The following ABCB4 variants were observed in gnomAD, a reference collection of about 807,000 sequenced individuals.
The protein encoded by ABCB4 is ATP binding cassette subfamily B member 4, also known as phosphatidylcholine translocator ABCB4.
Under a neutral mutation model 145.7 loss-of-function variants are expected in ABCB4, and 76 were observed. That is an observed-to-expected ratio of 0.52 (90% confidence interval 0.43 to 0.63). ABCB4 has a LOEUF of 0.63. ABCB4 is among the 30% of genes least tolerant of loss of function. The pLI is 0.00. For synonymous variants in ABCB4, 517 were observed against 566.8 expected (o/e 0.91, Z 1.25); for missense variants, 1,234 against 1,553.1 (o/e 0.79, Z 3.45).
At chr7:87,467,759 C>T (rs990016693) in intron 3 of ABCB4, among the ~76,000 whole-genome samples, 1 of 152,204 alleles carries the variant, frequency 6.6e-6, no homozygotes, top group East Asian at 1.9e-4. Context: ...AACCGCTCAA[C>T]TACATGGAAA....
At chr7:87,457,224 G>A (rs1275239697) in intron 4 of ABCB4, among the ~76,000 whole-genome samples, 1 of 152,092 alleles carries the variant, frequency 6.6e-6, no homozygotes, top group Non-Finnish European at 1.5e-5. Flanking sequence ...TTTGAGACCA[G>A]CCTGGGCAAC....
intron 2 of ABCB4, among the ~76,000 whole-genome samples, chr7:87,473,075 C>T (rs1188150202): frequency 6.6e-6 from 1 of 152,196 alleles, no homozygotes; most frequent in South Asian, 2.1e-4. Flanking sequence ...ATTCAAAGTA[C>T]ATCTAGAATT....
chr7:87,403,360 TTA>T, intron 26 of ABCB4, 79 bp from the exon 27 acceptor site: 4 of 1,330,478 alleles, frequency 3.0e-6, no homozygotes, highest in South Asian at 1.2e-5. Flanking sequence ...AGAAAAACAT[TTA>T]GAGTCAATAA....
chr7:87,440,726 A>C (rs1403470524), intron 12 of ABCB4, among the ~76,000 whole-genome samples: 1 of 152,080 alleles, frequency 6.6e-6, no homozygotes, highest in Non-Finnish European at 1.5e-5. Flanking sequence ...TCTACATATA[A>C]TTTTGATAGC....
intron 4 of ABCB4, among the ~76,000 whole-genome samples, chr7:87,461,382 T>C (rs891386265): frequency 6.6e-6 from 1 of 152,244 alleles, no homozygotes; most frequent in Admixed American, 6.5e-5. Context: ...ATCATCTATA[T>C]TGACACTATA....
chr7:87,400,691 C>T (rs893287988), downstream of ABCB4, among the ~76,000 whole-genome samples: 1 of 152,156 alleles, frequency 6.6e-6, no homozygotes, highest in Non-Finnish European at 1.5e-5. Context: ...AAATCCAAAA[C>T]ATTTTGAGTG....
intron 12 of ABCB4, among the ~76,000 whole-genome samples, chr7:87,442,442 A>G (rs1196633386): frequency 6.6e-6 from 1 of 152,120 alleles, no homozygotes; most frequent in African/African-American, 2.4e-5. Flanking sequence ...TTGAATTATA[A>G]TCCATTTTAA....
chr7:87,431,738 C>T (rs962217896), intron 14 of ABCB4, among the ~76,000 whole-genome samples, 173 bp from the exon 15 acceptor site: 1 of 152,176 alleles, frequency 6.6e-6, no homozygotes, highest in East Asian at 1.9e-4. Flanking sequence ...AAATTAAAGT[C>T]AGACGAGTTT....
chr7:87,424,011 TTTCAGGACC>T lies in ABCB4; in HGVS notation c.2097_2105del (p.Val700_Lys702del). ...AGTAGGGCCATTCTGTTTTATTCAG[TTTCAGGACC>T]TTCAGAAAGGACACTGGTGGCACAT... On this transcript the variant is annotated inframe_deletion, in exon 17 of 28. Transcript: ENST00000649586. 1 of 1,614,078 alleles carries T rather than the reference TTTCAGGACC, an allele frequency of 6.2e-7. No individual in the cohort carries two copies. Among genetic ancestry groups the T allele is most frequent in the African/African-American group, 1.3e-5 (1 of 75,034 alleles).
intron 24 of ABCB4, among the ~76,000 whole-genome samples, chr7:87,408,699 G>C (rs1335039815): frequency 1.3e-5 from 2 of 152,166 alleles, no homozygotes; most frequent in Non-Finnish European, 2.9e-5. Flanking sequence ...AAATACCTGG[G>C]AAAGTCCTGG....
chr7:87,416,343 C>G (rs1808973062), intron 21 of ABCB4, among the ~76,000 whole-genome samples: 1 of 152,192 alleles, frequency 6.6e-6, no homozygotes, highest in African/African-American at 2.4e-5. Flanking sequence ...ACGCCTTCTT[C>G]CCTATAGAGA....
chr7:87,403,324 C>T (rs1807942162), intron 26 of ABCB4, 43 bp from the exon 27 acceptor site: 6 of 1,539,978 alleles, frequency 3.9e-6, no homozygotes. Flanking sequence ...TGAACTGTTG[C>T]TTAACAGTTG....
chr7:87,385,168 C>G, the ABCB4 span, among the ~76,000 whole-genome samples: 1 of 150,956 alleles, frequency 6.6e-6, no homozygotes, highest in Non-Finnish European at 1.5e-5. Context: ...ATTGCATTGG[C>G]TATTCTGGGT....
In ABCB4 at chr7:87,426,944, A is replaced by AGTGC. The variant is rs1554403495; in HGVS notation, c.1894-25_1894-24insGCAC. 3.9e-6 allele frequency: 4 copies of AGTGC among 1,033,082 alleles called. No individual in the cohort carries two copies. The African/African-American group carries it at 4.8e-5, about 12-fold the overall frequency. The allele number at this position is 1,033,082 out of a possible 1,614,324, so 64.0% of individuals were successfully genotyped here. A position where few individuals can be genotyped will look rare whatever the true frequency, so the allele number is the denominator to read the frequency against. Reference sequence around the variant, plus strand: ...GTCTGAAAGAATATCAAGACATTAAAGTGTGTGTGTGTGTGTGTGTGTGTG... The same window carrying AGTGC: ...GTCTGAAAGAATATCAAGACATTAAAGTGCGTGTGTGTGTGTGTGTGTGTGTGTG... On this transcript the variant is annotated intron_variant, in intron 15 of 27. Transcript: ENST00000649586.
intron 23 of ABCB4, 121 bp downstream of exon 23, chr7:87,411,772 A>T: frequency 2.3e-6 from 2 of 886,752 alleles, no homozygotes; most frequent in Non-Finnish European, 3.5e-6. Flanking sequence ...AAACTGTGGT[A>T]AATTTAAATC....
At chr7:87,440,089 T>C (rs1810867894) in intron 13 of ABCB4, 110 bp downstream of exon 13, 12 of 1,299,264 alleles carry the variant, frequency 9.2e-6, no homozygotes, top group South Asian at 2.5e-5. Context: ...TCTAGCAAAG[T>C]TGGACAATCT....
intron 14 of ABCB4, among the ~76,000 whole-genome samples, chr7:87,435,356 A>G (rs747133899): frequency 2.6e-5 from 4 of 152,238 alleles, no homozygotes; most frequent in South Asian, 2.1e-4. Context: ...AGCTTCTCCT[A>G]TACAGAAGTG....
At chr7:87,441,634 AG>A (rs1289444282) in intron 12 of ABCB4, among the ~76,000 whole-genome samples, 1 of 150,856 alleles carries the variant, frequency 6.6e-6, no homozygotes, top group African/African-American at 2.4e-5. Context: ...CAGGCTTTGG[AG>A]GAGCATAGTG....
chr7:87,467,989 G>C (rs1243298687), intron 3 of ABCB4, among the ~76,000 whole-genome samples: 1 of 152,172 alleles, frequency 6.6e-6, no homozygotes, highest in African/African-American at 2.4e-5. Flanking sequence ...AAAAGAACTA[G>C]AGAAGCATGA....
Sources: allele counts gnomAD v4.1 joint callset (sites outside exome capture counted in the v4.1 genomes callset), GRCh38; gene constraint gnomAD v4.1.1; transcripts MANE v1.5; gene names NCBI Gene and HGNC (gene_info 2026-07-23, HGNC 2026-07-21).